Variants in ZC3H12B observed in about 807,000 individuals in gnomAD.
ZC3H12B encodes the protein probable ribonuclease ZC3H12B.
In ZC3H12B, 7 loss-of-function variants were observed where a neutral mutation model predicts 43.9. The ratio of observed to expected loss-of-function variants is 0.16; its 90% CI spans 0.09 to 0.30. The LOEUF (loss-of-function observed/expected upper bound fraction) is 0.30, where lower values mean the gene tolerates loss of function less well. Among genes scored for constraint, ZC3H12B ranks in the 10% least tolerant of loss-of-function variants. ZC3H12B has a pLI of 1.00. For missense variants in ZC3H12B, 475 were observed against 670.2 expected (o/e 0.71, Z 3.22); for synonymous variants, 222 against 241.7 (o/e 0.92, Z 0.76).
chrX:65,452,942 A>G (rs970075844), intron 3 of ZC3H12B, among the ~76,000 whole-genome samples: 6 of 110,492 alleles, frequency 5.4e-5, no homozygotes, highest in African/African-American at 2.0e-4. Context: ...AGCAATCTAC[A>G]AATTCAATGC....
At chrX:65,350,171 G>A in the ZC3H12B span, among the ~76,000 whole-genome samples, 12 of 111,710 alleles carry the variant, frequency 1.1e-4, no homozygotes, top group African/African-American at 3.9e-4. Context: ...CATCAAGTCA[G>A]CTTCATCCCT....
At chrX:65,117,950 T>C in the ZC3H12B span, among the ~76,000 whole-genome samples, 1 of 111,010 alleles carries the variant, frequency 9.0e-6, no homozygotes, top group East Asian at 2.8e-4. Flanking sequence ...TACCATGCTG[T>C]TTTGGTTACT....
At chrX:65,101,615 C>G in the ZC3H12B span, among the ~76,000 whole-genome samples, 18 of 112,137 alleles carry the variant, frequency 1.6e-4, no homozygotes, top group African/African-American at 5.8e-4. Context: ...ATAAACACCT[C>G]TACACAAATA....
At chrX:65,049,263 C>T in the ZC3H12B span, among the ~76,000 whole-genome samples, 1 of 111,085 alleles carries the variant, frequency 9.0e-6, no homozygotes, top group Non-Finnish European at 1.9e-5. Context: ...TGTTATGAAG[C>T]TATTTCCTTA....
the ZC3H12B span, among the ~76,000 whole-genome samples, chrX:65,236,780 C>T: frequency 1.3e-4 from 15 of 111,950 alleles, no homozygotes; most frequent in East Asian, 4.2e-3. Context: ...GCCAATTCTC[C>T]CAACACTATT....
rs964455759 is a variant in ZC3H12B, at chrX:65,398,875, A to C, written n.407+171A>C. Among the ~76,000 whole-genome samples the C allele has an allele frequency of 4.5e-5, 5 of 112,030 alleles. No homozygotes were observed. In the Admixed American group the frequency reaches 4.7e-4, roughly 11 times the overall value. ...AGAGAACTCAGAGATAAGTCTGTTC[A>C]CCTGCAGTGGACTCATTTTTGACAA... On this transcript the variant is annotated intron_variant and non_coding_transcript_variant, in intron 3 of 5. Transcript: ENST00000617377.
chrX:65,398,733 A>C (rs1226251250), intron 3 of ZC3H12B, 29 bp downstream of exon 5: 1 of 111,955 alleles, frequency 8.9e-6, no homozygotes, highest in Non-Finnish European at 1.9e-5. Context: ...TTTTCTTTGT[A>C]AATTACCCAT....
intron 3 of ZC3H12B, chrX:65,469,222 A>G: frequency 4.3e-6 from 1 of 231,827 alleles, no homozygotes; most frequent in Non-Finnish European, 8.4e-6. Context: ...CAGCAGAGCA[A>G]CAAGCTGCAA....
intron 3 of ZC3H12B, among the ~76,000 whole-genome samples, chrX:65,413,031 T>C (rs1179523204): frequency 9.0e-6 from 1 of 111,579 alleles, no homozygotes. Context: ...GATTTGCATT[T>C]CCCTAATGAC....
chrX:65,352,718 T>C, the ZC3H12B span, among the ~76,000 whole-genome samples: 1 of 111,969 alleles, frequency 8.9e-6, no homozygotes, highest in Non-Finnish European at 1.9e-5. Flanking sequence ...AGCAAGTCTA[T>C]TGGCACCATT....
At chrX:65,278,316 C>G in the ZC3H12B span, among the ~76,000 whole-genome samples, 1 of 111,294 alleles carries the variant, frequency 9.0e-6, no homozygotes, top group African/African-American at 3.3e-5. Flanking sequence ...TTACAACTGC[C>G]ATGGCAACAT....
At chrX:65,507,139 T>C (rs2068433713) in exon 5 of ZC3H12B, 1 of 112,562 alleles carries the variant, frequency 8.9e-6, no homozygotes, top group African/African-American at 3.2e-5. Flanking sequence ...TCAGTTACCA[T>C]TCAATCTGTG....
At chrX:65,119,143 A>T in the ZC3H12B span, among the ~76,000 whole-genome samples, 9 of 111,715 alleles carry the variant, frequency 8.1e-5, no homozygotes, top group African/African-American at 2.9e-4. Flanking sequence ...AGCATGATTT[A>T]TAATCCTTTG....
the ZC3H12B span, among the ~76,000 whole-genome samples, chrX:65,350,836 A>G: frequency 3.6e-5 from 4 of 112,170 alleles, no homozygotes; most frequent in African/African-American, 1.3e-4. Context: ...AAACAAATGG[A>G]AAAACATTCC....
At chrX:65,258,928 C>T in the ZC3H12B span, among the ~76,000 whole-genome samples, 1 of 111,510 alleles carries the variant, frequency 9.0e-6, no homozygotes, top group South Asian at 3.7e-4. Context: ...TAACACAAAT[C>T]AATGGAGAAG....
the ZC3H12B span, among the ~76,000 whole-genome samples, chrX:65,235,739 G>T: frequency 2.7e-5 from 3 of 112,090 alleles, no homozygotes; most frequent in South Asian, 1.1e-3. Context: ...GCTTCAAGGG[G>T]TGTTACAGCT....
intron 2 of ZC3H12B, among the ~76,000 whole-genome samples, chrX:65,386,915 T>C (rs1263623009): frequency 8.9e-6 from 1 of 111,894 alleles, no homozygotes; most frequent in Non-Finnish European, 1.9e-5. Context: ...CCAGTAGTCA[T>C]TCAGGAGCAG....
intron 2 of ZC3H12B, among the ~76,000 whole-genome samples, chrX:65,372,609 G>A (rs895067287): frequency 9.5e-6 from 1 of 105,670 alleles, no homozygotes; most frequent in Non-Finnish European, 2.0e-5. Flanking sequence ...AGAGTGGACA[G>A]GAGAGAGGGA....
chrX:65,204,163 C>T, the ZC3H12B span, among the ~76,000 whole-genome samples: 1 of 105,552 alleles, frequency 9.5e-6, no homozygotes, highest in Non-Finnish European at 1.9e-5. Flanking sequence ...CTCTTCAGTG[C>T]CTTTTTAAGG....
Sources: gnomAD v4.1 joint callset for allele counts (sites outside exome capture counted in the v4.1 genomes callset) on GRCh38, gnomAD v4.1.1 for gene constraint, MANE v1.5 for transcripts, NCBI Gene and HGNC (gene_info 2026-07-23, HGNC 2026-07-21) for gene names.